TMEM37: variants seen among roughly 807,000 people sequenced by gnomAD.
TMEM37 encodes the protein voltage-dependent calcium channel gamma-like subunit.
Under a neutral mutation model 11.0 loss-of-function variants are expected in TMEM37, and 12 were observed. That is an observed-to-expected ratio of 1.09 (90% CI 0.70 to 1.76). The LOEUF (loss-of-function observed/expected upper bound fraction) is 1.76, where lower values mean the gene tolerates loss of function less well. Ranked by LOEUF, TMEM37 falls within the 40% of genes most tolerant of loss-of-function variation. The probability of loss-of-function intolerance (pLI) is 0.00; values close to 1 mark genes in which losing one functional copy is unlikely to be tolerated. For missense variants in TMEM37, 203 were observed against 251.2 expected, an observed-to-expected ratio of 0.81 and a Z score of 1.30; for synonymous variants, 127 against 110.5, an observed-to-expected ratio of 1.15 and a Z score of -0.94.
At chr2:119,431,827 A>T, upstream of TMEM37, 1 of 1,178,810 alleles carries the variant, frequency 8.5e-7, no homozygotes, top group Non-Finnish European at 1.1e-6. Context: ...CCCTGCGGAG[A>T]AGTCCCGGGC....
At chr2:119,430,211 GC>G (rs1682366759), upstream of TMEM37, 1 of 646,234 alleles carries the variant, frequency 1.5e-6, no homozygotes, top group Non-Finnish European at 2.9e-6. Flanking sequence ...GGCTGGCTGA[GC>G]CTGGGCAGCT....
chr2:119,431,692 C>G (rs935047473), upstream of TMEM37, among the ~76,000 whole-genome samples: 2 of 146,974 alleles, frequency 1.4e-5, no homozygotes, highest in Non-Finnish European at 3.1e-5. Flanking sequence ...CTCCTCCGGC[C>G]GCCCTCGCTG....
chr2:119,437,004 G>T lies in TMEM37; in HGVS notation c.137G>T (p.Cys46Phe), dbSNP rs1158994337. 6.2e-7 allele frequency: 1 copy of T among 1,614,252 alleles called. No homozygotes were observed. Among genetic ancestry groups the T allele is most frequent in the Admixed American group, 1.7e-5 (1 of 60,028 alleles). The change falls in exon 2 of 2, where the codon TGT (cysteine) becomes TTT (phenylalanine). Residue 46 changes from cysteine to phenylalanine, a missense_variant. By Grantham distance (205) the Cys-to-Phe change is radical. Transcript: ENST00000306406. ...GTGGTCCTGTCCTCGGTCTCCATTT[G>T]TGATGGGCACTGGCTCCTGGCTGAG... ...LAVVLSSVSI[C>F]DGHWLLAEDR... is the part of the protein sequence containing the mutation.
upstream of TMEM37, among the ~76,000 whole-genome samples, chr2:119,430,962 C>A (rs907632216): frequency 2.0e-4 from 30 of 152,140 alleles, no homozygotes; most frequent in East Asian, 1.6e-3. Flanking sequence ...AATGGTGAAA[C>A]CCCCGTCTCT....
At chr2:119,432,268 G>A (rs1412500400) in intron 1 of TMEM37, 1 of 251,332 alleles carries the variant, frequency 4.0e-6, no homozygotes, top group African/African-American at 2.2e-5. Context: ...TACCATAAGG[G>A]TCCCCCTTTG....
chr2:119,437,392 C>T lies in TMEM37; in HGVS notation c.525C>T (p.Asn175=), dbSNP rs140456137. The T allele has an allele frequency of 2.7e-5, 43 of 1,614,088 alleles. No homozygotes were observed. Among genetic ancestry groups the T allele is most frequent in the African/African-American group, 5.3e-5 (4 of 74,946 alleles). ...EFTASFLLFL[N]AISGLHINSI... ...CTGCCTCCTTCCTCCTCTTCCTGAA[C>T]GCCATCAGCGGCCTTCACATCAACA... The change falls in exon 2 of 2, where the codon AAC becomes AAT. Residue 175 remains asparagine, a synonymous_variant. Coordinates refer to ENST00000306406, the MANE Select transcript of TMEM37 (RefSeq NM_183240.3).
At chr2:119,432,032 G>T (rs1443853911) in intron 1 of TMEM37, 108 bp downstream of exon 1, 8 of 794,748 alleles carry the variant, frequency 1.0e-5, no homozygotes, top group African/African-American at 3.6e-5. Flanking sequence ...CCGGCGTCGG[G>T]CTGGGGGTGC....
At chr2:119,430,283 C>T (rs912835975), upstream of TMEM37, 3 of 608,162 alleles carry the variant, frequency 4.9e-6, no homozygotes, top group African/African-American at 1.8e-5. Context: ...GCACCAACAT[C>T]ACTTGAGGCC....
At chr2:119,431,349 A>C (rs1278761704), upstream of TMEM37, among the ~76,000 whole-genome samples, 1 of 152,122 alleles carries the variant, frequency 6.6e-6, no homozygotes, top group Non-Finnish European at 1.5e-5. Context: ...CAAGAGCCCC[A>C]CCTTTCACAT....
chr2:119,430,050 G>T (rs866108659), upstream of TMEM37: 11 of 1,321,834 alleles, frequency 8.3e-6, no homozygotes, highest in South Asian at 1.4e-4. Context: ...CTCAGTGAAA[G>T]GATACCCCCG....
At chr2:119,434,272 A>T (rs1010184540) in intron 1 of TMEM37, among the ~76,000 whole-genome samples, 1 of 151,936 alleles carries the variant, frequency 6.6e-6, no homozygotes, top group Non-Finnish European at 1.5e-5. Context: ...TTCTCTAGGG[A>T]CCTTGTAACC....
rs1466555644 is a variant in TMEM37, at chr2:119,436,893, A to G, written c.26A>G (p.Gln9Arg). 2 of 1,611,906 alleles carry G rather than the reference A, an allele frequency of 1.2e-6. No homozygotes were observed. The highest frequency in any genetic ancestry group is 2.7e-5 in the African/African-American group (2 of 74,952). The stretch of plus-strand genomic sequence containing the variant: ...GCTTCCTACGGTTTTTTCCAGGCCC[A>G]GAGGCCTTTGGGCCAAAGGCAGCCC... MTAVGVQA[Q>R]RPLGQRQPRR... is the part of the protein sequence containing the mutation. Residue 9 changes from glutamine (Q) to arginine (R), a missense_variant, in exon 2 of 2, where the codon CAG becomes CGG. Coordinates refer to ENST00000306406, the MANE Select transcript of TMEM37 (RefSeq NM_183240.3).
At chr2:119,431,399 A>C (rs977839031), upstream of TMEM37, among the ~76,000 whole-genome samples, 1 of 152,164 alleles carries the variant, frequency 6.6e-6, no homozygotes. Context: ...GAGACGCTAA[A>C]CAAGCAGCCC....
chr2:119,431,668 C>A (rs1682396461), upstream of TMEM37, among the ~76,000 whole-genome samples: 1 of 152,234 alleles, frequency 6.6e-6, no homozygotes, highest in Non-Finnish European at 1.5e-5. Context: ...GTCCTCCCCG[C>A]GGCTCCCCAG....
chr2:119,431,986 G>A, intron 1 of TMEM37, 62 bp downstream of exon 1: 1 of 1,109,176 alleles, frequency 9.0e-7, no homozygotes, highest in Non-Finnish European at 1.1e-6. Context: ...GGTTGGGGGT[G>A]GGAGGACGGA....
intron 1 of TMEM37, among the ~76,000 whole-genome samples, chr2:119,433,376 C>CGGCT (rs1682441074): frequency 6.6e-6 from 1 of 152,180 alleles, no homozygotes. Flanking sequence ...AGAGGCAGGC[C>CGGCT]GGCTCATCAG....
upstream of TMEM37, chr2:119,430,000 C>G (rs1424978918): frequency 1.3e-6 from 2 of 1,547,580 alleles, no homozygotes; most frequent in East Asian, 4.9e-5. Flanking sequence ...TGCTATGATC[C>G]AGAATCTCAC....
At chr2:119,432,250 G>C (rs1320327361) in intron 1 of TMEM37, 4 of 291,132 alleles carry the variant, frequency 1.4e-5, no homozygotes, top group Non-Finnish European at 2.5e-5. Context: ...GTGACTTACT[G>C]GTCAGTTTAC....
At chr2:119,430,726 C>T (rs1682376058), upstream of TMEM37, among the ~76,000 whole-genome samples, 1 of 152,176 alleles carries the variant, frequency 6.6e-6, no homozygotes, top group Non-Finnish European at 1.5e-5. Context: ...CCTTGTTTTA[C>T]CACCACATTT....
Sources: gnomAD v4.1 joint callset for allele counts (sites outside exome capture counted in the v4.1 genomes callset) on GRCh38, gnomAD v4.1.1 for gene constraint, MANE v1.5 for transcripts, NCBI Gene and HGNC (gene_info 2026-07-23, HGNC 2026-07-21) for gene names.